Variants in ITPR1 observed in about 807,000 individuals in gnomAD.
ITPR1 encodes inositol 1,4,5-trisphosphate-gated calcium channel ITPR1.
A neutral mutation model predicts 318.4 loss-of-function variants in ITPR1; 96 were observed. The ratio of observed to expected loss-of-function variants is 0.30; its 90% CI spans 0.26 to 0.36. The LOEUF is 0.36. ITPR1 is among the 10% of genes least tolerant of loss of function. The pLI is 1.00. For synonymous variants in ITPR1, 1,312 were observed against 1,289.9 expected, an observed-to-expected ratio of 1.02 and a Z score of -0.37; for missense variants, 2,440 against 3,460.2, an observed-to-expected ratio of 0.71 and a Z score of 7.40.
intron 44 of ITPR1, 147 bp from the exon 45 acceptor site, chr3:4,766,383 G>A (rs2045820313): frequency 8.1e-6 from 5 of 614,608 alleles, no homozygotes; most frequent in Middle Eastern, 4.4e-4. Flanking sequence ...ACTACAGTGT[G>A]TGGAGTGGTC....
At chr3:4,820,244 C>G (rs1039844188) in intron 60 of ITPR1, among the ~76,000 whole-genome samples, 1 of 152,314 alleles carries the variant, frequency 6.6e-6, no homozygotes, top group South Asian at 2.1e-4. Flanking sequence ...TAATGACCTT[C>G]ATTTGCATTC....
chr3:4,643,928 A>G (rs147867918), intron 7 of ITPR1, among the ~76,000 whole-genome samples: 108 of 152,150 alleles, frequency 7.1e-4, no homozygotes, highest in African/African-American at 2.6e-3. Flanking sequence ...CTCGAGGAAC[A>G]ACATTCAGGC....
intron 4 of ITPR1, among the ~76,000 whole-genome samples, chr3:4,626,184 C>CTGTG (rs36079707): frequency 0.052 from 7,618 of 147,872 alleles, 650 homozygotes; most frequent in African/African-American, 0.18. Context: ...CCTAAACTTT[C>CTGTG]TGTGTGTGTG....
At chr3:4,526,281 A>C (rs1329888493) in intron 4 of ITPR1, among the ~76,000 whole-genome samples, 1 of 152,242 alleles carries the variant, frequency 6.6e-6, no homozygotes, top group Non-Finnish European at 1.5e-5. Context: ...AAATGAGGTG[A>C]AAGGAATCAT....
At chr3:4,539,426 A>G (rs111479135) in intron 4 of ITPR1, among the ~76,000 whole-genome samples, 6,124 of 152,118 alleles carry the variant, frequency 0.04, 148 homozygotes, top group Middle Eastern at 0.088. Context: ...GCTATATATG[A>G]GTTTGTTGGT....
rs141963389 is a variant in ITPR1, at chr3:4,777,619, C to T, written c.6291+245C>T. On this transcript the variant is annotated intron_variant, in intron 48 of 61. Transcript: ENST00000649015. ...GGTCACACAGAATGAAGATTCCTTG[C>T]TCCAAGCTAAGAAGTGAATCCCAAC... Among the ~76,000 whole-genome samples the T allele has an allele frequency of 3.2e-3, 482 of 152,222 alleles. 1 individual carries two copies. Among genetic ancestry groups the T allele is most frequent in the African/African-American group, 0.011 (459 of 41,552 alleles).
intron 44 of ITPR1, among the ~76,000 whole-genome samples, chr3:4,747,787 C>T (rs2044213908): frequency 6.6e-6 from 1 of 152,182 alleles, no homozygotes; most frequent in Admixed American, 6.5e-5. Flanking sequence ...AACTTCCTCA[C>T]TGTGGAAGAG....
At chr3:4,773,042 C>A (rs777520523) in intron 46 of ITPR1, among the ~76,000 whole-genome samples, 21 of 152,358 alleles carry the variant, frequency 1.4e-4, no homozygotes, top group Non-Finnish European at 2.4e-4. Context: ...AGTCCCTGTG[C>A]CAGCTGCTGG....
intron 53 of ITPR1, among the ~76,000 whole-genome samples, chr3:4,799,319 A>G (rs2125421584): frequency 6.6e-6 from 1 of 152,372 alleles, no homozygotes; most frequent in South Asian, 2.1e-4. Context: ...TGAATTTCTG[A>G]GAAACCTCTG....
At chr3:4,657,541 C>T (rs1214497361) in intron 12 of ITPR1, among the ~76,000 whole-genome samples, 2 of 151,234 alleles carry the variant, frequency 1.3e-5, no homozygotes, top group Non-Finnish European at 2.9e-5. Flanking sequence ...GATCTCAGCT[C>T]ACTGCAACTT....
chr3:4,590,828 G>A (rs931198402), intron 4 of ITPR1, among the ~76,000 whole-genome samples: 1 of 152,066 alleles, frequency 6.6e-6, no homozygotes, highest in Non-Finnish European at 1.5e-5. Flanking sequence ...CATTACCCAG[G>A]TATTAAGCTC....
rs754002503 is a variant in ITPR1, at chr3:4,609,051, AATATATATATATATATATATATAT to A, written c.164-18696_164-18673del. On this transcript the variant is annotated intron_variant, in intron 4 of 61. Coordinates refer to ENST00000649015, the MANE Select transcript of ITPR1 (RefSeq NM_001378452.1). ...CAAAAGAAAACAACAACAACAACGA[AATATATATATATATATATATATAT>A]ATATATATATATATACACACACACG... Among the ~76,000 whole-genome samples the A allele has an allele frequency of 7.2e-3, 335 of 46,570 alleles. 15 individuals carry two copies. Among genetic ancestry groups the A allele is most frequent in the African/African-American group, 0.016 (289 of 18,588 alleles). The allele number at this position is 46,570 out of a possible 152,430, so 30.6% of individuals were successfully genotyped here.
rs748355114 is a variant in ITPR1 at position 4,800,493 on chromosome 3, G to A, written c.7000G>A (p.Ala2334Thr). 2.2e-5 allele frequency: 35 copies of A among 1,613,982 alleles called. No homozygotes were observed. Among genetic ancestry groups the A allele is most frequent in the Non-Finnish European group, 2.9e-5 (34 of 1,179,882 alleles). ...GCTCATCTCTCTGGCCATCGTCATT[G>A]CCCTCCCCAAGCCCCATGGCATCCG... ...AMLISLAIVI[A>T]LPKPHGIRAL... The change falls in exon 54 of 62, where the codon GCC (alanine) becomes ACC (threonine). Residue 2334 changes from alanine to threonine, a missense_variant. This residue lies in a region of ITPR1 where 126 missense variants were observed against 150.8 expected (regional missense o/e 0.84). Transcript: ENST00000649015.
chr3:4,727,263 T>C, intron 42 of ITPR1, 90 bp downstream of exon 42: 1 of 918,450 alleles, frequency 1.1e-6, no homozygotes, highest in South Asian at 1.9e-5. Context: ...AGAGACAGCT[T>C]TTGTTGTTGA....
rs2041259805 is a variant in ITPR1, at chr3:4,710,311, T to C, written c.4843-14T>C. 14 of 1,532,442 alleles carry C rather than the reference T, an allele frequency of 9.1e-6. No individual in the cohort carries two copies. The highest frequency in any genetic ancestry group is 1.2e-5 in the Non-Finnish European group (14 of 1,131,676). The allele number at this position is 1,532,442 out of a possible 1,614,324, so 94.9% of individuals were successfully genotyped here. ...CTGCCTGAGCCGTTGACTGAGGCTG[T>C]GTTTCCGTTTTAGGACATCGTCTCC... On this transcript the variant is annotated splice_polypyrimidine_tract_variant and intron_variant, in intron 37 of 61. Coordinates refer to ENST00000649015, the MANE Select transcript of ITPR1 (RefSeq NM_001378452.1). This position sits in a 1 kb window ranked among gnomAD's most constrained non-coding sequence, Gnocchi z 4.2.
intron 30 of ITPR1, among the ~76,000 whole-genome samples, chr3:4,687,385 T>C (rs2094412241): frequency 6.6e-6 from 1 of 152,200 alleles, no homozygotes; most frequent in Non-Finnish European, 1.5e-5. Context: ...GTGTGCACTT[T>C]TGTTATCTCC....
chr3:4,645,198 C>T (rs1176731687), intron 8 of ITPR1, among the ~76,000 whole-genome samples, 189 bp from the exon 9 acceptor site: 1 of 152,128 alleles, frequency 6.6e-6, no homozygotes, highest in Non-Finnish European at 1.5e-5. Context: ...GCAAATGAAC[C>T]ATTTATTTCC....
intron 60 of ITPR1, among the ~76,000 whole-genome samples, chr3:4,825,540 T>C (rs2050016179): frequency 6.6e-6 from 1 of 152,154 alleles, no homozygotes; most frequent in South Asian, 2.1e-4. Flanking sequence ...GCTAATTCAG[T>C]GCTACTAAAC....
intron 39 of ITPR1, 61 bp from the exon 40 acceptor site, chr3:4,717,306 C>A: frequency 7.3e-7 from 1 of 1,374,868 alleles, no homozygotes; most frequent in Non-Finnish European, 1.0e-6. Flanking sequence ...ATAAACTTGG[C>A]TGGCTTGTAT....
Sources: gnomAD v4.1 joint callset for allele counts (sites outside exome capture counted in the v4.1 genomes callset) on GRCh38, gnomAD v4.1.1 for gene constraint, gnomAD v4.1.1 regional missense constraint, Gnocchi (gnomAD v3.1) non-coding constraint, MANE v1.5 for transcripts, NCBI Gene and HGNC (gene_info 2026-07-23, HGNC 2026-07-21) for gene names.